PIK3C2G: variants seen among roughly 807,000 people sequenced by gnomAD.
The protein encoded by PIK3C2G is phosphatidylinositol 3-kinase C2 domain-containing subunit gamma.
In PIK3C2G, 168 loss-of-function variants were observed where a neutral mutation model predicts 181.1. The ratio of observed to expected loss-of-function variants is 0.93; its 90% CI spans 0.82 to 1.05. The LOEUF (loss-of-function observed/expected upper bound fraction) is 1.05. Ranked by LOEUF, PIK3C2G falls within the 50% of genes least tolerant of loss-of-function variation. PIK3C2G has a pLI of 0.00. For missense variants in PIK3C2G, 1,869 were observed against 1,732.8 expected, an observed-to-expected ratio of 1.08 and a Z score of -1.40; for synonymous variants, 573 against 592.2, an observed-to-expected ratio of 0.97 and a Z score of 0.47.
At chr12:18,546,906 C>T (rs1010932670) in intron 26 of PIK3C2G, among the ~76,000 whole-genome samples, 1 of 151,970 alleles carries the variant, frequency 6.6e-6, no homozygotes, top group Non-Finnish European at 1.5e-5. Flanking sequence ...TGATGTATAT[C>T]AAGGTAAGAA....
chr12:18,469,785 A>AT (rs1938275078), intron 18 of PIK3C2G, among the ~76,000 whole-genome samples: 1 of 151,776 alleles, frequency 6.6e-6, no homozygotes, highest in African/African-American at 2.4e-5. Context: ...CTTTAAAAAA[A>AT]AAAAAAAGCT....
intron 21 of PIK3C2G, 49 bp downstream of exon 21, chr12:18,496,203 C>T: frequency 2.9e-6 from 3 of 1,029,676 alleles, no homozygotes; most frequent in Non-Finnish European, 2.8e-6. Flanking sequence ...ACAGAACTAT[C>T]GATTTATTAC....
At chr12:18,688,444 G>A in the PIK3C2G span, among the ~76,000 whole-genome samples, 1 of 151,760 alleles carries the variant, frequency 6.6e-6, no homozygotes, top group Non-Finnish European at 1.5e-5. Flanking sequence ...AATCCACAAT[G>A]TCCACAATTT....
chr12:18,440,260 C>G (rs1204121994), intron 18 of PIK3C2G, among the ~76,000 whole-genome samples: 7 of 151,408 alleles, frequency 4.6e-5, no homozygotes, highest in African/African-American at 1.7e-4. Flanking sequence ...AGAGCTTGTT[C>G]ACCAAAAAAA....
chr12:18,345,707 A>G (rs534529670), intron 10 of PIK3C2G, among the ~76,000 whole-genome samples: 19 of 152,306 alleles, frequency 1.2e-4, no homozygotes, highest in South Asian at 4.1e-4. Context: ...GTTTATTTCT[A>G]GAATTTTCTT....
intron 26 of PIK3C2G, among the ~76,000 whole-genome samples, chr12:18,554,306 C>G (rs2136300791): frequency 6.6e-6 from 1 of 152,166 alleles, no homozygotes. Context: ...TTAGTGTCTT[C>G]AGATTAGTTG....
At chr12:18,250,354 G>T (rs565245426) in intron 1 of PIK3C2G, among the ~76,000 whole-genome samples, 3 of 151,894 alleles carry the variant, frequency 2.0e-5, no homozygotes, top group African/African-American at 7.2e-5. Flanking sequence ...GTACATTATT[G>T]TCCTTTTTCA....
intron 29 of PIK3C2G, among the ~76,000 whole-genome samples, chr12:18,569,152 C>T (rs1283154874): frequency 2.6e-5 from 4 of 152,134 alleles, no homozygotes; most frequent in Admixed American, 2.0e-4. Flanking sequence ...GAAAATGCCA[C>T]GCACCTTCTA....
At chr12:18,536,909 A>G (rs1943885477) in intron 24 of PIK3C2G, among the ~76,000 whole-genome samples, 1 of 152,134 alleles carries the variant, frequency 6.6e-6, no homozygotes, top group African/African-American at 2.4e-5. Context: ...GAAGAAATGA[A>G]TGAATATAAA....
chr12:18,341,717 C>T (rs1939160464), intron 9 of PIK3C2G, among the ~76,000 whole-genome samples: 1 of 152,086 alleles, frequency 6.6e-6, no homozygotes, highest in Non-Finnish European at 1.5e-5. Context: ...GTGCAGTAAC[C>T]AGCTACAGTT....
chr12:18,431,075 T>C (rs1049555269), intron 18 of PIK3C2G, among the ~76,000 whole-genome samples: 26 of 152,094 alleles, frequency 1.7e-4, no homozygotes, highest in African/African-American at 6.3e-4. Context: ...AAAGTCACAG[T>C]TGTCTCTCTC....
At chr12:18,256,050 T>C (rs1374844864) in intron 1 of PIK3C2G, among the ~76,000 whole-genome samples, 1 of 152,212 alleles carries the variant, frequency 6.6e-6, no homozygotes, top group Non-Finnish European at 1.5e-5. Flanking sequence ...AATGTAAGTA[T>C]TCAATAAATG....
At chr12:18,690,067 C>A in the PIK3C2G span, among the ~76,000 whole-genome samples, 1 of 152,130 alleles carries the variant, frequency 6.6e-6, no homozygotes, top group African/African-American at 2.4e-5. Context: ...TGCCTTCCAC[C>A]TTCACTTTCT....
intron 29 of PIK3C2G, among the ~76,000 whole-genome samples, chr12:18,569,681 A>G (rs1191644248): frequency 1.3e-5 from 2 of 152,140 alleles, no homozygotes; most frequent in Non-Finnish European, 2.9e-5. Context: ...TTTCAACCTT[A>G]TAATGACCAG....
In PIK3C2G at chr12:18,505,470, A is replaced by C. The variant is rs754500396; in HGVS notation, c.3323+9A>C. 6 of 1,604,024 alleles carry C rather than the reference A, an allele frequency of 3.7e-6. No homozygotes were observed. Among genetic ancestry groups the C allele is most frequent in the Non-Finnish European group, 5.1e-6 (6 of 1,173,326 alleles). On this transcript the variant is annotated intron_variant, in intron 24 of 32. Transcript: ENST00000538779. ...TTTGGAGGGATAAAAAGGTCAGTGC[A>C]CAAATGTTTATTACAGTAATTAAGC...
In PIK3C2G at chr12:18,282,399, A is replaced by C. The variant is rs1949258229; in HGVS notation, c.318A>C (p.Ala106=). Reference sequence around the variant, plus strand: ...GGCATCAAGTTAGCAAAGCACCAGCAATTGGTTTTAGTCCTTCTGTGTTAC... The same window carrying C: ...GGCATCAAGTTAGCAAAGCACCAGCCATTGGTTTTAGTCCTTCTGTGTTAC... The part of the protein sequence containing the change: ...LSWHQVSKAP[A]IGFSPSVLPK... Residue 106 remains alanine, a synonymous_variant, in exon 2 of 33, where the codon GCA becomes GCC. Coordinates refer to ENST00000538779, the MANE Select transcript of PIK3C2G (RefSeq NM_001288772.2). 1.2e-6 allele frequency: 2 copies of C among 1,613,408 alleles called. No individual in the cohort carries two copies. The highest frequency in any genetic ancestry group is 2.2e-5 in the East Asian group (1 of 44,862).
chr12:18,672,156 T>C, the PIK3C2G span, among the ~76,000 whole-genome samples: 1 of 152,192 alleles, frequency 6.6e-6, no homozygotes, highest in Non-Finnish European at 1.5e-5. Flanking sequence ...TGGATCATGT[T>C]TTATGGCTTT....
chr12:18,498,246 A>G (rs1007934165), intron 22 of PIK3C2G, among the ~76,000 whole-genome samples: 3 of 152,240 alleles, frequency 2.0e-5, no homozygotes, highest in African/African-American at 7.2e-5. Flanking sequence ...AATATTGAAC[A>G]TATGTCAGCA....
At chr12:18,474,164 A>C (rs1339590784) in intron 18 of PIK3C2G, among the ~76,000 whole-genome samples, 1 of 152,190 alleles carries the variant, frequency 6.6e-6, no homozygotes, top group Non-Finnish European at 1.5e-5. Context: ...TCATTTAATT[A>C]TCACAGCAAC....
Sources: allele counts gnomAD v4.1 joint callset (sites outside exome capture counted in the v4.1 genomes callset), GRCh38; gene constraint gnomAD v4.1.1; transcripts MANE v1.5; gene names NCBI Gene and HGNC (gene_info 2026-07-23, HGNC 2026-07-21).